The following ASGR1 variants were observed in gnomAD, a reference collection of about 807,000 sequenced individuals.
The protein encoded by ASGR1 is C-type lectin domain family 4 member H1.
A neutral mutation model predicts 33.1 loss-of-function variants in ASGR1; 35 were observed. The observed-to-expected ratio is 1.06, with a 90% CI of 0.81 to 1.40. The LOEUF is 1.40. ASGR1 is among the 40% of genes most tolerant of loss of function. The pLI, the probability that ASGR1 is intolerant of heterozygous loss-of-function variation, is 0.00. For synonymous variants in ASGR1, 142 were observed against 152.5 expected, an observed-to-expected ratio of 0.93 and a Z score of 0.51; for missense variants, 396 against 373.7, an observed-to-expected ratio of 1.06 and a Z score of -0.49.
In ASGR1 at chr17:7,173,795, TG is replaced by T; in HGVS notation, c.739del (p.His247ThrfsTer86). 1.2e-6 allele frequency: 2 copies of T among 1,612,354 alleles called. No homozygotes were observed. Among genetic ancestry groups the T allele is most frequent in the Non-Finnish European group, 1.7e-6 (2 of 1,179,800 alleles). On this transcript the variant is annotated frameshift_variant, in exon 9 of 9. Coordinates refer to ENST00000269299, the MANE Select transcript of ASGR1 (RefSeq NM_001671.5). LOFTEE classifies it low-confidence loss of function (END_TRUNC). This position sits in a 1 kb window ranked among gnomAD's most constrained non-coding sequence, Gnocchi z 4.7. ...ACAGTCCTCGCCTCCTCCGAGCCCGTGGCCGTACCAGTCGTCCGGCTGCTCC... is the reference window on the plus strand; with the variant it reads ...ACAGTCCTCGCCTCCTCCGAGCCCGTGCCGTACCAGTCGTCCGGCTGCTCC... ...RPEQPDDWYG[H>X]GLGGGEDCAH...
At chr17:7,177,364 G>C in intron 2 of ASGR1, 38 bp from the exon 3 acceptor site, 1 of 1,563,760 alleles carries the variant, frequency 6.4e-7, no homozygotes, top group Non-Finnish European at 8.8e-7. Flanking sequence ...CGGGGACAGA[G>C]GGGACCCTGG....
chr17:7,175,936 C>A (rs1187454431), intron 5 of ASGR1, among the ~76,000 whole-genome samples: 2 of 150,320 alleles, frequency 1.3e-5, no homozygotes, highest in Admixed American at 1.3e-4. Flanking sequence ...CTCATTCCCC[C>A]ACACACGCAA....
chr17:7,174,367 T>A lies in ASGR1; in HGVS notation c.442+7A>T. The A allele has an allele frequency of 1.2e-6, 2 of 1,613,934 alleles. No homozygotes were observed. Among genetic ancestry groups the A allele is most frequent in the Non-Finnish European group, 1.7e-6 (2 of 1,179,958 alleles). ...AGGCAGAGAGCGGGCCGGGCTGGCC[T>A]CCTTACCATTGCCCTGGAGCGCCGC... On this transcript the variant is annotated splice_region_variant and intron_variant, in intron 6 of 8. Transcript: ENST00000269299.
chr17:7,179,066 C>T (rs2142772478), intron 1 of ASGR1, 124 bp downstream of exon 1: 1 of 153,140 alleles, frequency 6.5e-6, no homozygotes, highest in South Asian at 2.0e-4. Context: ...CCATCCCCTC[C>T]CAGGCCTGAC....
intron 5 of ASGR1, among the ~76,000 whole-genome samples, chr17:7,174,740 TACAC>T (rs1213345127): frequency 7.3e-6 from 1 of 136,976 alleles, no homozygotes; most frequent in Admixed American, 7.3e-5. Context: ...CTAACCCACA[TACAC>T]ACACACGGAC....
intron 5 of ASGR1, among the ~76,000 whole-genome samples, chr17:7,174,965 A>C (rs993195555): frequency 9.3e-5 from 14 of 149,812 alleles, no homozygotes; most frequent in Non-Finnish European, 1.5e-4. Flanking sequence ...GACACACAAC[A>C]CACCCTTACA....
At chr17:7,179,041 G>T (rs2142772468) in intron 1 of ASGR1, 149 bp downstream of exon 1, 1 of 152,848 alleles carries the variant, frequency 6.5e-6, no homozygotes. Context: ...CCCACCGGGA[G>T]CTTTCTTCTT....
intron 5 of ASGR1, among the ~76,000 whole-genome samples, 172 bp from the exon 6 acceptor site, chr17:7,174,632 C>A (rs2069173568): frequency 6.6e-6 from 1 of 151,008 alleles, no homozygotes; most frequent in Admixed American, 6.6e-5. Context: ...CACACACACT[C>A]CTACACACAC....
At position 7,173,576 on chromosome 17, in the gene ASGR1, C is replaced by T. The variant is rs2069158827; in HGVS notation, c.*83G>A. 1 of 1,562,276 alleles carries T rather than the reference C, an allele frequency of 6.4e-7. No homozygotes were observed. The highest frequency in any genetic ancestry group is 1.1e-5 in the South Asian group (1 of 87,570). On this transcript the variant is annotated 3_prime_UTR_variant, in exon 9 of 9. Coordinates refer to ENST00000269299, the MANE Select transcript of ASGR1 (RefSeq NM_001671.5). This position sits in a 1 kb window ranked among gnomAD's most constrained non-coding sequence, Gnocchi z 4.7. ...TCCCTTAAAATCCTAGATGAAAATT[C>T]CCGAGAAAGCAGAAGAGGCCCCCAG...
rs1420920229 is a variant in ASGR1, at chr17:7,176,842, CCTT to C, written c.340_342del (p.Lys114del). ...CTCCCTCTCTGACCTTCACTCAGGT[CCTT>C]CTGCTGTTTCTCCAGCTGGGACTCT... On this transcript the variant is annotated inframe_deletion, in exon 5 of 9. Transcript: ENST00000269299. The C allele has an allele frequency of 6.2e-7, 1 of 1,612,516 alleles. No homozygotes were observed. Among genetic ancestry groups the C allele is most frequent in the Non-Finnish European group, 8.5e-7 (1 of 1,179,934 alleles).
At chr17:7,176,005 T>A (rs1251374875) in intron 5 of ASGR1, among the ~76,000 whole-genome samples, 1 of 134,144 alleles carries the variant, frequency 7.5e-6, no homozygotes, top group African/African-American at 3.3e-5. Context: ...TTCTCACACA[T>A]AAACACAGAC....
rs778173821 is a variant in ASGR1, at chr17:7,173,984, C to T, written c.678G>A (p.Gly226=). The part of the protein sequence containing the change: ...DQNGPWKWVD[G]TDYETGFKNW... ...ACTTGAAGCCCGTCTCGTAGTCCGT[C>T]CCGTCCACCCACTTCCAGGGCCCGT... is the stretch of plus-strand genomic sequence containing the variant. The change falls in exon 8 of 9, where the codon GGG becomes GGA. Residue 226 remains glycine, a synonymous_variant. Coordinates refer to ENST00000269299, the MANE Select transcript of ASGR1 (RefSeq NM_001671.5). The surrounding 1 kb of genome is among the most constrained non-coding windows in gnomAD (Gnocchi z 4.7). 6.2e-7 allele frequency: 1 copy of T among 1,614,228 alleles called. No homozygotes were observed. The highest frequency in any genetic ancestry group is 8.5e-7 in the Non-Finnish European group (1 of 1,180,006).
At position 7,173,960 on chromosome 17, in the gene ASGR1, C is replaced by G; in HGVS notation, c.701+1G>C. On this transcript the variant is annotated splice_donor_variant, in intron 8 of 8. Coordinates refer to ENST00000269299, the MANE Select transcript of ASGR1 (RefSeq NM_001671.5). LOFTEE classifies it high-confidence loss of function. The surrounding 1 kb of genome is among the most constrained non-coding windows in gnomAD (Gnocchi z 4.7). ...CAGGCCGAGGGAGGGCGCGCACTCA[C>G]TTGAAGCCCGTCTCGTAGTCCGTCC... The G allele has an allele frequency of 6.2e-7, 1 of 1,614,172 alleles. No individual in the cohort carries two copies. The highest frequency in any genetic ancestry group is 8.5e-7 in the Non-Finnish European group (1 of 1,179,974).
At chr17:7,177,625 C>T in intron 2 of ASGR1, 1 of 312,640 alleles carries the variant, frequency 3.2e-6, no homozygotes, top group East Asian at 5.5e-5. Flanking sequence ...CTCAGTCCAC[C>T]CCCTCCTCCC....
At chr17:7,175,574 TCA>T (rs1331963201) in intron 5 of ASGR1, among the ~76,000 whole-genome samples, 1 of 150,734 alleles carries the variant, frequency 6.6e-6, no homozygotes, top group East Asian at 1.9e-4. Flanking sequence ...ATACACACAC[TCA>T]CATGCACTTA....
rs753491649 is a variant in ASGR1 at position 7,173,787 on chromosome 17, C to T, written c.748G>A (p.Gly250Arg). The stretch of plus-strand genomic sequence containing the variant: ...AAGTGGGCACAGTCCTCGCCTCCTC[C>T]GAGCCCGTGGCCGTACCAGTCGTCC... ...QPDDWYGHGL[G>R]GGEDCAHFTD... The change falls in exon 9 of 9, where the codon GGA becomes AGA. Residue 250 changes from glycine (G) to arginine (R), a missense_variant. Transcript: ENST00000269299. This position sits in a 1 kb window ranked among gnomAD's most constrained non-coding sequence, Gnocchi z 4.7. 1.2e-6 allele frequency: 2 copies of T among 1,612,758 alleles called. No individual in the cohort carries two copies. Among genetic ancestry groups the T allele is most frequent in the East Asian group, 4.5e-5 (2 of 44,886 alleles).
chr17:7,174,587 G>A (rs773180508), intron 5 of ASGR1, 127 bp from the exon 6 acceptor site: 14 of 935,316 alleles, frequency 1.5e-5, no homozygotes, highest in Non-Finnish European at 2.1e-5. Context: ...ACAAACAGCA[G>A]CGGAGTTGGC....
At chr17:7,174,518 C>T in intron 5 of ASGR1, 58 bp from the exon 6 acceptor site, 5 of 1,552,562 alleles carry the variant, frequency 3.2e-6, no homozygotes, top group South Asian at 2.3e-5. Flanking sequence ...GGGAGGGAAA[C>T]GGGAAACGAG....
intron 1 of ASGR1, 132 bp from the exon 2 acceptor site, chr17:7,178,720 T>A (rs1432601305): frequency 4.0e-6 from 2 of 500,860 alleles, no homozygotes; most frequent in Non-Finnish European, 6.6e-6. Flanking sequence ...TTTCTTTTCT[T>A]TTTCTTTTTT....
Sources: allele counts gnomAD v4.1 joint callset (sites outside exome capture counted in the v4.1 genomes callset), GRCh38; gene constraint gnomAD v4.1.1; non-coding constraint Gnocchi (gnomAD v3.1); transcripts MANE v1.5; gene names NCBI Gene and HGNC (gene_info 2026-07-23, HGNC 2026-07-21).